CHST11: variants seen among roughly 807,000 people sequenced by gnomAD.
CHST11 encodes the protein carbohydrate sulfotransferase 11.
A neutral mutation model predicts 30.4 loss-of-function variants in CHST11; 9 were observed. The observed-to-expected ratio is 0.30, with a 90% CI of 0.18 to 0.52. CHST11 has a LOEUF of 0.52. Among genes scored for constraint, CHST11 ranks in the 20% least tolerant of loss-of-function variants. The pLI, the probability that CHST11 is intolerant of heterozygous loss-of-function variation, is 0.97. For missense variants in CHST11, 348 were observed against 460.6 expected (o/e 0.76, Z 2.24); for synonymous variants, 152 against 187.8 (o/e 0.81, Z 1.56).
chr12:104,533,023 G>C (rs570534156), intron 1 of CHST11, among the ~76,000 whole-genome samples: 1 of 152,270 alleles, frequency 6.6e-6, no homozygotes, highest in African/African-American at 2.4e-5. Context: ...CAAACCTCCT[G>C]CCTCAGCCTC....
intron 2 of CHST11, among the ~76,000 whole-genome samples, chr12:104,719,199 C>T (rs1301399884): frequency 6.6e-6 from 1 of 152,218 alleles, no homozygotes; most frequent in Non-Finnish European, 1.5e-5. Context: ...GTCTTCTAGG[C>T]TGACAGCTCT....
chr12:104,740,131 G>A (rs1230475338), intron 2 of CHST11, among the ~76,000 whole-genome samples: 1 of 152,182 alleles, frequency 6.6e-6, no homozygotes, highest in Non-Finnish European at 1.5e-5. Context: ...AGAAAAAAAT[G>A]CAAAGACTTT....
At chr12:104,534,039 T>C (rs959049723) in intron 1 of CHST11, among the ~76,000 whole-genome samples, 1 of 151,244 alleles carries the variant, frequency 6.6e-6, no homozygotes, top group Non-Finnish European at 1.5e-5. Context: ...AGATGCATTT[T>C]TTAATAGAGA....
intron 2 of CHST11, among the ~76,000 whole-genome samples, chr12:104,619,968 A>C (rs985783686): frequency 1.3e-5 from 2 of 152,248 alleles, no homozygotes; most frequent in Admixed American, 1.3e-4. Context: ...AGGTGAGCCC[A>C]GCCAACTCCT....
chr12:104,502,201 C>A (rs2037859350), intron 1 of CHST11, among the ~76,000 whole-genome samples: 2 of 151,910 alleles, frequency 1.3e-5, no homozygotes, highest in African/African-American at 4.8e-5. Context: ...CTAATTTTTA[C>A]ATTTTTTTGT....
intron 1 of CHST11, among the ~76,000 whole-genome samples, chr12:104,590,396 G>T (rs564055767): frequency 6.6e-6 from 1 of 152,214 alleles, no homozygotes; most frequent in Non-Finnish European, 1.5e-5. Context: ...TTGGACTGGG[G>T]TGACTGTATT....
chr12:104,593,522 A>G (rs909616147), intron 1 of CHST11, among the ~76,000 whole-genome samples: 2 of 152,184 alleles, frequency 1.3e-5, no homozygotes, highest in Non-Finnish European at 2.9e-5. Flanking sequence ...ATGTTTTGTA[A>G]AGCTCCTGAA....
intron 2 of CHST11, among the ~76,000 whole-genome samples, chr12:104,747,881 C>T (rs1023336985): frequency 9.2e-5 from 14 of 152,004 alleles, no homozygotes; most frequent in Admixed American, 6.6e-4. Flanking sequence ...AAATTGCAAA[C>T]GCTGCAGTAA....
intron 2 of CHST11, among the ~76,000 whole-genome samples, chr12:104,695,755 G>T (rs1401867380): frequency 6.6e-6 from 1 of 152,102 alleles, no homozygotes; most frequent in Admixed American, 6.5e-5. Context: ...ACCCAGAAGC[G>T]GCCCCAGCTC....
At chr12:104,704,148 A>G (rs771902328) in intron 2 of CHST11, among the ~76,000 whole-genome samples, 1 of 152,192 alleles carries the variant, frequency 6.6e-6, no homozygotes, top group Admixed American at 6.5e-5. Context: ...GGCCATGGGA[A>G]CTGGACAGTG....
chr12:104,598,966 C>T (rs2038932430), intron 1 of CHST11, among the ~76,000 whole-genome samples: 1 of 152,200 alleles, frequency 6.6e-6, no homozygotes, highest in Non-Finnish European at 1.5e-5. Flanking sequence ...CCTTTCCACT[C>T]ACATGACCTT....
At chr12:104,627,881 A>T (rs2039232294) in intron 2 of CHST11, among the ~76,000 whole-genome samples, 1 of 152,130 alleles carries the variant, frequency 6.6e-6, no homozygotes, top group South Asian at 2.1e-4. Context: ...GACTGGTGGT[A>T]ATTATTGTTG....
At chr12:104,524,288 G>A (rs2038102115) in intron 1 of CHST11, among the ~76,000 whole-genome samples, 1 of 152,234 alleles carries the variant, frequency 6.6e-6, no homozygotes, top group Non-Finnish European at 1.5e-5. Flanking sequence ...ATTATGGAGT[G>A]TACAGTTGCT....
At chr12:104,728,234 T>C (rs2040231010) in intron 2 of CHST11, among the ~76,000 whole-genome samples, 1 of 152,196 alleles carries the variant, frequency 6.6e-6, no homozygotes, top group Non-Finnish European at 1.5e-5. Context: ...CAGCAGGAAC[T>C]GATTGGCAGG....
chr12:104,661,442 G>T (rs148668157), intron 2 of CHST11, among the ~76,000 whole-genome samples: 1 of 152,252 alleles, frequency 6.6e-6, no homozygotes, highest in African/African-American at 2.4e-5. Flanking sequence ...GGATGTGGTG[G>T]TATGCACCTG....
intron 2 of CHST11, among the ~76,000 whole-genome samples, chr12:104,726,211 C>A (rs976610906): frequency 2.0e-5 from 3 of 152,150 alleles, no homozygotes; most frequent in African/African-American, 7.2e-5. Flanking sequence ...CTCTTTAATT[C>A]TTTGCTTTAG....
intron 2 of CHST11, among the ~76,000 whole-genome samples, chr12:104,699,303 TG>T (rs2039972801): frequency 6.6e-6 from 1 of 152,252 alleles, no homozygotes; most frequent in Admixed American, 6.5e-5. Flanking sequence ...TGAATTGAGA[TG>T]TGCCATAAGT....
chr12:104,560,700 G>T (rs1430805365), intron 1 of CHST11, among the ~76,000 whole-genome samples: 1 of 152,244 alleles, frequency 6.6e-6, no homozygotes, highest in African/African-American at 2.4e-5. Flanking sequence ...AGTTTCTGCA[G>T]GTGATGTCCT....
rs145290181 is a variant in CHST11 at position 104,603,340 on chromosome 12, C to T, written c.204+1349C>T. Among the ~76,000 whole-genome samples, 365 of 152,298 alleles carry T rather than the reference C, an allele frequency of 2.4e-3. 3 individuals are homozygous for T. The highest frequency in any genetic ancestry group is 7.8e-3 in the African/African-American group (324 of 41,546). On this transcript the variant is annotated intron_variant, in intron 2 of 2. Transcript: ENST00000303694. ...ATCCTCTGTTCTCAGATGATTTTCT[C>T]CTTCAAAACAAAACTACTGAAACAC...
Sources: allele counts gnomAD v4.1 joint callset (sites outside exome capture counted in the v4.1 genomes callset), GRCh38; gene constraint gnomAD v4.1.1; transcripts MANE v1.5; gene names NCBI Gene and HGNC (gene_info 2026-07-23, HGNC 2026-07-21).